COA6: variants seen among roughly 807,000 people sequenced by gnomAD.
COA6 encodes cytochrome c oxidase assembly factor 6 homolog.
A neutral mutation model predicts 17.1 loss-of-function variants in COA6; 12 were observed. The observed-to-expected ratio is 0.70, with a 90% confidence interval of 0.45 to 1.14. The LOEUF (loss-of-function observed/expected upper bound fraction) is 1.14. Among genes scored for constraint, COA6 ranks in the 50% most tolerant of loss-of-function variants. COA6 has a pLI of 0.00. For missense variants in COA6, 246 were observed against 196.5 expected, an observed-to-expected ratio of 1.25 and a Z score of -1.51; for synonymous variants, 90 against 73.4, an observed-to-expected ratio of 1.23 and a Z score of -1.16.
chr1:234,378,675 C>G (rs1558125397), intron 2 of COA6, among the ~76,000 whole-genome samples: 1 of 152,108 alleles, frequency 6.6e-6, no homozygotes, highest in Non-Finnish European at 1.5e-5. Context: ...GGATTTGAGA[C>G]CAGCCTGGCC....
At chr1:234,377,685 A>T (rs1194706433) in intron 2 of COA6, among the ~76,000 whole-genome samples, 1 of 152,144 alleles carries the variant, frequency 6.6e-6, no homozygotes, top group Non-Finnish European at 1.5e-5. Flanking sequence ...TGTAAATTGC[A>T]CCATATTTCA....
chr1:234,375,007 T>C (rs550391739), intron 2 of COA6, among the ~76,000 whole-genome samples: 11 of 152,136 alleles, frequency 7.2e-5, no homozygotes, highest in African/African-American at 2.6e-4. Flanking sequence ...TAGGTGTTGT[T>C]GGCTGGGTGC....
chr1:234,379,420 T>A (rs1197756520), intron 2 of COA6, among the ~76,000 whole-genome samples: 1 of 152,102 alleles, frequency 6.6e-6, no homozygotes, highest in Non-Finnish European at 1.5e-5. Flanking sequence ...TAAGCTTTGA[T>A]CCTGGGAGTA....
chr1:234,380,855 C>G (rs1658952894), intron 2 of COA6, among the ~76,000 whole-genome samples: 1 of 152,214 alleles, frequency 6.6e-6, no homozygotes, highest in Non-Finnish European at 1.5e-5. Flanking sequence ...CGAAAATTAG[C>G]CAGGCGCGGT....
rs531881956 is a variant in COA6, at chr1:234,378,292, A to G, written c.372+3903A>G. On this transcript the variant is annotated intron_variant, in intron 2 of 2. Coordinates refer to ENST00000366615, the MANE Select transcript of COA6 (RefSeq NM_001206641.3). The stretch of plus-strand genomic sequence containing the variant: ...CACAAATATCTATTGAGCACCTCCT[A>G]TGTGCCATAGGAAAATACAGCAAGG... Among the ~76,000 whole-genome samples, 22 of 152,246 alleles carry G rather than the reference A, an allele frequency of 1.4e-4. No individual in the cohort carries two copies. In the South Asian group the frequency reaches 4.4e-3, roughly 30 times the overall value.
At position 234,383,933 on chromosome 1, in the gene COA6, A is replaced by T; in HGVS notation, c.*115A>T. On this transcript the variant is annotated 3_prime_UTR_variant, in exon 3 of 3. Transcript: ENST00000366615. Reference sequence around the variant, plus strand: ...TCAATACTTGTTCCCTATATACGACACTTGATAATTAAGATGATCAAGAAC... The same window carrying T: ...TCAATACTTGTTCCCTATATACGACTCTTGATAATTAAGATGATCAAGAAC... 1 of 489,180 alleles carries T rather than the reference A, an allele frequency of 2.0e-6. No individual in the cohort carries two copies. Among genetic ancestry groups the T allele is most frequent in the Non-Finnish European group, 3.7e-6 (1 of 266,988 alleles). 30.3% of individuals were successfully genotyped at this position (489,180 alleles called of 1,614,324 possible).
At chr1:234,381,899 G>T (rs1658983119) in intron 2 of COA6, among the ~76,000 whole-genome samples, 1 of 152,188 alleles carries the variant, frequency 6.6e-6, no homozygotes, top group Non-Finnish European at 1.5e-5. Flanking sequence ...GATGTGACAG[G>T]ACATGCAAAC....
chr1:234,379,225 G>C (rs938994049), intron 2 of COA6, among the ~76,000 whole-genome samples: 2 of 152,004 alleles, frequency 1.3e-5, no homozygotes, highest in African/African-American at 4.8e-5. Flanking sequence ...CTATTGGAGA[G>C]CTTTGGGTTT....
rs771195858 is a variant in COA6 at position 234,373,536 on chromosome 1, T to C, written c.70T>C (p.Ser24Pro). 6.2e-7 allele frequency: 1 copy of C among 1,606,402 alleles called. No homozygotes were observed. The change falls in exon 1 of 3, where the codon TCT becomes CCT. Residue 24 changes from serine (S) to proline (P), a missense_variant. Transcript: ENST00000366615. ...GAGTTGCTTTTTGCGGCTGGGGAGGTCTACGCTTCTAGAGCTTGAGCCAGC... is the reference window on the plus strand; with the variant it reads ...GAGTTGCTTTTTGCGGCTGGGGAGGCCTACGCTTCTAGAGCTTGAGCCAGC... The part of the protein sequence containing the change: ...RVSCFLRLGR[S>P]TLLELEPAGR...
chr1:234,376,153 T>C (rs546707671), intron 2 of COA6, among the ~76,000 whole-genome samples: 6 of 152,312 alleles, frequency 3.9e-5, no homozygotes, highest in Admixed American at 6.5e-5. Context: ...GACAGATGCA[T>C]TGAGAGGAAC....
chr1:234,377,877 G>A (rs186787717), intron 2 of COA6, among the ~76,000 whole-genome samples: 1 of 152,332 alleles, frequency 6.6e-6, no homozygotes, highest in East Asian at 1.9e-4. Flanking sequence ...CAGGCAGCAT[G>A]AAGCTACCAC....
intron 2 of COA6, among the ~76,000 whole-genome samples, chr1:234,376,444 T>G (rs1302099829): frequency 1.3e-5 from 2 of 151,540 alleles, no homozygotes; most frequent in African/African-American, 2.4e-5. Flanking sequence ...TCCTCTACAC[T>G]CTACACTCTA....
At chr1:234,379,247 G>A (rs1658900436) in intron 2 of COA6, among the ~76,000 whole-genome samples, 1 of 152,034 alleles carries the variant, frequency 6.6e-6, no homozygotes, top group African/African-American at 2.4e-5. Flanking sequence ...GGAGTAAGGA[G>A]GGAAGTGAGG....
At chr1:234,377,145 G>GTTGTTGTTGTTT in intron 2 of COA6, among the ~76,000 whole-genome samples, 1 of 102,820 alleles carries the variant, frequency 9.7e-6, no homozygotes, top group Non-Finnish European at 1.8e-5. Flanking sequence ...TGTTGTTGTT[G>GTTGTTGTTGTTT]AGACAGAGTC....
chr1:234,373,896 A>G, intron 1 of COA6: 1 of 1,578,962 alleles, frequency 6.3e-7, no homozygotes, highest in South Asian at 1.1e-5. Context: ...ACTGGTGGGA[A>G]ACGGGCTCGG....
intron 1 of COA6, 114 bp from the exon 2 acceptor site, chr1:234,374,116 T>TG: frequency 7.2e-6 from 8 of 1,104,186 alleles, no homozygotes; most frequent in South Asian, 5.0e-5. Flanking sequence ...GTTTTTGTTT[T>TG]TTTTTTTTTT....
Position 234,383,906 on chromosome 1 carries a change from C to T in COA6, c.*88C>T. ...CAGTAATAGTTTGAATCATAGTGAA[C>T]ATCAATACTTGTTCCCTATATACGA... On this transcript the variant is annotated 3_prime_UTR_variant, in exon 3 of 3. Transcript: ENST00000366615. The T allele has an allele frequency of 1.5e-6, 1 of 662,596 alleles. No individual in the cohort carries two copies. Among genetic ancestry groups the T allele is most frequent in the South Asian group, 2.0e-5 (1 of 50,086 alleles). 41.0% of individuals were successfully genotyped at this position (662,596 alleles called of 1,614,324 possible).
intron 2 of COA6, among the ~76,000 whole-genome samples, chr1:234,376,613 T>A (rs1658802030): frequency 6.6e-6 from 1 of 152,236 alleles, no homozygotes; most frequent in Non-Finnish European, 1.5e-5. Context: ...TTCCTATGCC[T>A]ACCATGCAAG....
intron 2 of COA6, among the ~76,000 whole-genome samples, chr1:234,383,112 A>G (rs1189477159): frequency 1.3e-5 from 2 of 150,690 alleles, no homozygotes; most frequent in African/African-American, 2.4e-5. Flanking sequence ...AAATGGTCCA[A>G]TGTGTTCTCA....
Sources: gnomAD v4.1 joint callset for allele counts (sites outside exome capture counted in the v4.1 genomes callset) on GRCh38, gnomAD v4.1.1 for gene constraint, MANE v1.5 for transcripts, NCBI Gene and HGNC (gene_info 2026-07-23, HGNC 2026-07-21) for gene names.